ADCY5: variants seen among roughly 807,000 people sequenced by gnomAD.
ADCY5 encodes the protein adenylate cyclase type 5.
ADCY5 carries 30 observed loss-of-function variants against 119.7 expected under a neutral mutation model. The observed-to-expected ratio is 0.25, with a 90% CI of 0.19 to 0.34. The LOEUF (loss-of-function observed/expected upper bound fraction) is 0.34, where lower values mean the gene tolerates loss of function less well. Ranked by LOEUF, ADCY5 falls within the 10% of genes least tolerant of loss-of-function variation. The probability of loss-of-function intolerance (pLI) is 1.00; values close to 1 mark genes in which losing one functional copy is unlikely to be tolerated. For missense variants in ADCY5, 1,324 were observed against 1,775.2 expected (o/e 0.75, Z 4.57); for synonymous variants, 753 against 762.2 (o/e 0.99, Z 0.20).
At chr3:123,343,811 G>A (rs1576599880) in intron 3 of ADCY5, among the ~76,000 whole-genome samples, 1 of 152,184 alleles carries the variant, frequency 6.6e-6, no homozygotes, top group East Asian at 1.9e-4. Flanking sequence ...AGCCACTGGT[G>A]GACATCCCAG....
At chr3:123,338,512 C>T (rs1225611468) in intron 3 of ADCY5, among the ~76,000 whole-genome samples, 2 of 152,222 alleles carry the variant, frequency 1.3e-5, no homozygotes, top group Admixed American at 6.5e-5. Flanking sequence ...CCCGGAGTAA[C>T]TCTGAAGGCC....
chr3:123,350,301 A>G (rs1033386738), intron 2 of ADCY5, among the ~76,000 whole-genome samples: 6 of 152,144 alleles, frequency 3.9e-5, no homozygotes, highest in Non-Finnish European at 8.8e-5. Flanking sequence ...CCAGTGCCAC[A>G]GCCCAGAGCC....
intron 1 of ADCY5, among the ~76,000 whole-genome samples, chr3:123,360,629 G>GA (rs1216887293): frequency 6.6e-6 from 1 of 151,932 alleles, no homozygotes; most frequent in African/African-American, 2.4e-5. Context: ...CACTGTGTCT[G>GA]AAAAAAACCA....
In ADCY5 at chr3:123,447,736, G is replaced by A; in HGVS notation, c.810C>T (p.Tyr270=). Residue 270 remains tyrosine, a synonymous_variant, in exon 1 of 21, where the codon TAC becomes TAT. Coordinates refer to ENST00000462833, the MANE Select transcript of ADCY5 (RefSeq NM_183357.3). ...CGACGGCGGCCGCCAGCACGGCCAG[G>A]TAGGGCAGCTGGAGCGGGGGCCGCG... is the stretch of plus-strand genomic sequence containing the variant. The part of the protein sequence containing the change: ...HAARPPLQLP[Y]LAVLAAAVGV... 9 of 1,602,098 alleles carry A rather than the reference G, an allele frequency of 5.6e-6. No individual in the cohort carries two copies. Among genetic ancestry groups the A allele is most frequent in the Non-Finnish European group, 7.7e-6 (9 of 1,172,588 alleles).
chr3:123,438,032 G>A (rs962948946), intron 1 of ADCY5, among the ~76,000 whole-genome samples: 2 of 152,260 alleles, frequency 1.3e-5, no homozygotes, highest in South Asian at 4.2e-4. Flanking sequence ...TCCTCCCTGA[G>A]GGAGGAGAGC....
At chr3:123,310,581 A>G (rs1057436083) in intron 12 of ADCY5, among the ~76,000 whole-genome samples, 11 of 152,204 alleles carry the variant, frequency 7.2e-5, no homozygotes, top group Non-Finnish European at 1.5e-4. Flanking sequence ...GCTGCGGACA[A>G]CGTGTGATGG....
At chr3:123,432,979 C>T (rs969858847) in intron 1 of ADCY5, among the ~76,000 whole-genome samples, 1 of 152,202 alleles carries the variant, frequency 6.6e-6, no homozygotes, top group Non-Finnish European at 1.5e-5. Flanking sequence ...GCACTATCTG[C>T]CTTCCTCCCA....
At chr3:123,401,775 T>C (rs898813608) in intron 1 of ADCY5, among the ~76,000 whole-genome samples, 1 of 152,062 alleles carries the variant, frequency 6.6e-6, no homozygotes, top group African/African-American at 2.4e-5. Context: ...TCAGAGGTAG[T>C]GAGGAGAGGT....
intron 15 of ADCY5, among the ~76,000 whole-genome samples, chr3:123,297,966 C>T (rs1169488607): frequency 1.3e-5 from 2 of 152,120 alleles, no homozygotes; most frequent in African/African-American, 4.8e-5. Flanking sequence ...TTTAATATGG[C>T]TATAAGAAAA....
intron 18 of ADCY5, 69 bp from the exon 19 acceptor site, chr3:123,290,023 G>A (rs1055330064): frequency 6.7e-7 from 1 of 1,495,550 alleles, no homozygotes; most frequent in Non-Finnish European, 9.2e-7. Context: ...GAGGGACAGA[G>A]GATGTCCAGG....
intron 1 of ADCY5, among the ~76,000 whole-genome samples, chr3:123,399,050 C>T (rs1689621919): frequency 6.6e-6 from 1 of 152,214 alleles, no homozygotes. Flanking sequence ...TCTCCATACC[C>T]TCCCCAAGCT....
intron 1 of ADCY5, among the ~76,000 whole-genome samples, chr3:123,401,311 G>C (rs988740215): frequency 6.6e-6 from 1 of 152,200 alleles, no homozygotes; most frequent in East Asian, 1.9e-4. Context: ...AGCTCTGGGG[G>C]CTCAGGGAAA....
chr3:123,308,899 A>G (rs879848051), intron 12 of ADCY5, among the ~76,000 whole-genome samples: 7 of 152,238 alleles, frequency 4.6e-5, no homozygotes, highest in Non-Finnish European at 8.8e-5. Context: ...CCAGGGCTAC[A>G]CCACAACTGC....
intron 3 of ADCY5, among the ~76,000 whole-genome samples, chr3:123,337,267 G>A (rs1476502729): frequency 6.6e-6 from 1 of 152,204 alleles, no homozygotes; most frequent in Non-Finnish European, 1.5e-5. Context: ...CCAGCCCTTA[G>A]GAAACAAGCA....
rs57105101 is a variant in ADCY5, at chr3:123,359,331, A to AATATATATATATATATATATATATAT, written c.1135-6776_1135-6751dup. Among the ~76,000 whole-genome samples, 452 of 109,574 alleles carry AATATATATATATATATATATATATAT rather than the reference A, an allele frequency of 4.1e-3. 5 individuals carry two copies. The highest frequency in any genetic ancestry group is 0.011 in the Middle Eastern group (2 of 186). 71.9% of individuals were successfully genotyped at this position (109,574 alleles called of 152,430 possible). Reference sequence around the variant, plus strand: ...AATATTTGGGACCTACTTATACTAAAATATATATATATATATATATATATA... The same window carrying AATATATATATATATATATATATATAT: ...AATATTTGGGACCTACTTATACTAAAATATATATATATATATATATATATATATATATATATATATATATATATATA... On this transcript the variant is annotated intron_variant, in intron 1 of 20. Transcript: ENST00000462833.
chr3:123,330,841 G>A (rs1006017460), intron 5 of ADCY5, 48 bp downstream of exon 5: 4 of 1,557,000 alleles, frequency 2.6e-6, no homozygotes, highest in Non-Finnish European at 2.6e-6. Context: ...CGCTCGGGCT[G>A]TGGACAGTCC....
chr3:123,340,195 T>G (rs911073812), intron 3 of ADCY5, among the ~76,000 whole-genome samples: 1 of 151,774 alleles, frequency 6.6e-6, no homozygotes, highest in African/African-American at 2.4e-5. Flanking sequence ...GGAGCTGAGG[T>G]GGGAGAACTG....
intron 3 of ADCY5, 48 bp from the exon 4 acceptor site, chr3:123,332,723 G>T (rs923058871): frequency 1.6e-6 from 2 of 1,253,848 alleles, no homozygotes; most frequent in African/African-American, 1.5e-5. Flanking sequence ...CTGAATCTTT[G>T]TGTCTCCCAA....
At chr3:123,426,155 G>A (rs529015342) in intron 1 of ADCY5, among the ~76,000 whole-genome samples, 27 of 152,300 alleles carry the variant, frequency 1.8e-4, no homozygotes, top group African/African-American at 5.5e-4. Flanking sequence ...ATGGAGGAGA[G>A]CACTAAAGCC....
Sources: allele counts gnomAD v4.1 joint callset (sites outside exome capture counted in the v4.1 genomes callset), GRCh38; gene constraint gnomAD v4.1.1; transcripts MANE v1.5; gene names NCBI Gene and HGNC (gene_info 2026-07-23, HGNC 2026-07-21).